SMYD3: variants seen among roughly 807,000 people sequenced by gnomAD.
SMYD3 encodes SET and MYND domain containing 3.
In SMYD3, 36 loss-of-function variants were observed where a neutral mutation model predicts 57.7. That is an observed-to-expected ratio of 0.62 (90% CI 0.48 to 0.82). The LOEUF is 0.82. Ranked by LOEUF, SMYD3 falls within the 40% of genes least tolerant of loss-of-function variation. The pLI is 0.00. For missense variants in SMYD3, 515 were observed against 538.8 expected, an observed-to-expected ratio of 0.96 and a Z score of 0.44; for synonymous variants, 211 against 195.0, an observed-to-expected ratio of 1.08 and a Z score of -0.68.
rs572287795 is a variant in SMYD3 at position 246,386,360 on chromosome 1, T to C, written c.165-31266A>G. 4.6e-5 allele frequency among the ~76,000 whole-genome samples: 7 copies of C among 152,260 alleles called. No individual in the cohort carries two copies. The East Asian group carries it at 7.7e-4, about 17-fold the overall frequency. The stretch of plus-strand genomic sequence containing the variant: ...AGAGATTGTGTTTTCTACTGGGTGA[T>C]ATGGGAGAAGGTAAAGAAAACAGAA... On this transcript the variant is annotated intron_variant, in intron 1 of 11. Coordinates refer to ENST00000490107, the MANE Select transcript of SMYD3 (RefSeq NM_001167740.2).
At chr1:245,898,790 G>A (rs532528711) in intron 8 of SMYD3, among the ~76,000 whole-genome samples, 8 of 152,320 alleles carry the variant, frequency 5.3e-5, no homozygotes, top group African/African-American at 1.7e-4. Context: ...AACAAGGCAT[G>A]TGACATCCAA....
intron 5 of SMYD3, among the ~76,000 whole-genome samples, chr1:246,292,454 C>A (rs1383593436): frequency 1.3e-5 from 2 of 152,194 alleles, no homozygotes; most frequent in African/African-American, 2.4e-5. Flanking sequence ...TCCAACACAC[C>A]AGCATCTTAG....
chr1:246,012,887 A>G (rs1257205840), intron 5 of SMYD3, among the ~76,000 whole-genome samples: 1 of 152,208 alleles, frequency 6.6e-6, no homozygotes, highest in Non-Finnish European at 1.5e-5. Context: ...AAGTTCTGAG[A>G]AATCTTAATT....
intron 5 of SMYD3, among the ~76,000 whole-genome samples, chr1:246,014,184 A>G (rs766086323): frequency 3.3e-5 from 5 of 152,096 alleles, no homozygotes; most frequent in African/African-American, 7.2e-5. Flanking sequence ...TTAGCCGGGC[A>G]TGGTGGTGCA....
chr1:246,416,554 TA>T (rs35559952), intron 1 of SMYD3, among the ~76,000 whole-genome samples: 60,809 of 139,056 alleles, frequency 0.44, 12,695 homozygotes, highest in Admixed American at 0.47. Flanking sequence ...CTGGGAAAAG[TA>T]AAAAAAAAAA....
intron 10 of SMYD3, among the ~76,000 whole-genome samples, chr1:245,854,531 G>C (rs1242675710): frequency 6.6e-6 from 1 of 152,174 alleles, no homozygotes; most frequent in Non-Finnish European, 1.5e-5. Context: ...AATCTAGACA[G>C]ATGTCTACAC....
intron 5 of SMYD3, among the ~76,000 whole-genome samples, chr1:246,254,609 G>A (rs1414978107): frequency 1.3e-5 from 2 of 152,100 alleles, no homozygotes; most frequent in East Asian, 3.8e-4. Context: ...GGATTGCTTT[G>A]GCTACTTGGA....
At chr1:245,774,842 A>G (rs1282462405) in intron 10 of SMYD3, among the ~76,000 whole-genome samples, 8 of 152,076 alleles carry the variant, frequency 5.3e-5, no homozygotes, top group Non-Finnish European at 7.4e-5. Flanking sequence ...CTGCGATTGC[A>G]GGGGTGCACC....
chr1:245,930,112 T>C, intron 5 of SMYD3, 175 bp from the exon 6 acceptor site: 2 of 633,578 alleles, frequency 3.2e-6, no homozygotes, highest in Non-Finnish European at 5.8e-6. Flanking sequence ...TGGGATATAC[T>C]CCCCCTAAAA....
chr1:245,916,639 AC>A (rs1344138667), intron 7 of SMYD3, among the ~76,000 whole-genome samples: 1 of 151,988 alleles, frequency 6.6e-6, no homozygotes. Flanking sequence ...CCCAGAATCA[AC>A]CACTTTTTAC....
intron 9 of SMYD3, 68 bp from the exon 10 acceptor site, chr1:245,858,738 T>C (rs2051383626): frequency 6.6e-7 from 1 of 1,522,692 alleles, no homozygotes; most frequent in Non-Finnish European, 8.9e-7. Flanking sequence ...TTAGATTCTC[T>C]AAAAGGCTAA....
At chr1:246,298,412 AT>A (rs1242228746) in intron 5 of SMYD3, among the ~76,000 whole-genome samples, 1 of 152,162 alleles carries the variant, frequency 6.6e-6, no homozygotes, top group Non-Finnish European at 1.5e-5. Flanking sequence ...TAATGAACTC[AT>A]TTAAGTTCAA....
At chr1:245,967,511 A>C (rs1288754677) in intron 5 of SMYD3, among the ~76,000 whole-genome samples, 1 of 152,176 alleles carries the variant, frequency 6.6e-6, no homozygotes. Context: ...GGAAGTGTGG[A>C]GTTGTCTCTG....
rs374519223 is a variant in SMYD3 at position 245,848,960 on chromosome 1, CTG to C, written c.1076+9534_1076+9535del. On this transcript the variant is annotated intron_variant, in intron 10 of 11. Transcript: ENST00000490107. ...GGCCAGACAGAAAAACAAATGGATT[CTG>C]AAGACAGATCCTGGAATTAGTATCT... Among the ~76,000 whole-genome samples, 36 of 135,504 alleles carry C rather than the reference CTG, an allele frequency of 2.7e-4. No individual in the cohort carries two copies. In the East Asian group the frequency reaches 0.011, roughly 42 times the overall value. 88.9% of individuals were successfully genotyped at this position (135,504 alleles called of 152,430 possible).
chr1:245,753,251 GAAAAA>G (rs34929779), intron 11 of SMYD3, among the ~76,000 whole-genome samples: 1 of 111,580 alleles, frequency 9.0e-6, no homozygotes, highest in African/African-American at 3.3e-5. Flanking sequence ...TGAAGCAACT[GAAAAA>G]AAAAAAAAAG....
At chr1:246,287,685 C>T (rs774225375) in intron 5 of SMYD3, among the ~76,000 whole-genome samples, 1 of 152,114 alleles carries the variant, frequency 6.6e-6, no homozygotes, top group African/African-American at 2.4e-5. Flanking sequence ...CTGACCCTGT[C>T]TCTGTTTTGG....
chr1:246,315,942 C>A (rs1398908733), intron 5 of SMYD3, among the ~76,000 whole-genome samples: 1 of 152,038 alleles, frequency 6.6e-6, no homozygotes, highest in Non-Finnish European at 1.5e-5. Context: ...CTAAAAAAAA[C>A]ACTCTGTTTC....
chr1:245,768,882 G>A (rs912951054), intron 10 of SMYD3, among the ~76,000 whole-genome samples: 1 of 151,748 alleles, frequency 6.6e-6, no homozygotes, highest in South Asian at 2.1e-4. Flanking sequence ...CCCAGCCTCC[G>A]GAACTGTGAG....
At chr1:245,765,908 G>A (rs1015637432) in intron 10 of SMYD3, among the ~76,000 whole-genome samples, 26 of 152,036 alleles carry the variant, frequency 1.7e-4, no homozygotes, top group Non-Finnish European at 4.4e-5. Context: ...GTGATGAGGC[G>A]GATTTACCAG....
Sources: allele counts gnomAD v4.1 joint callset (sites outside exome capture counted in the v4.1 genomes callset), GRCh38; gene constraint gnomAD v4.1.1; transcripts MANE v1.5; gene names NCBI Gene and HGNC (gene_info 2026-07-23, HGNC 2026-07-21).